DUSP8: variants seen among roughly 807,000 people sequenced by gnomAD.
DUSP8 encodes the protein dual specificity phosphatase 8.
A neutral mutation model predicts 38.7 loss-of-function variants in DUSP8; 15 were observed. The observed-to-expected ratio is 0.39, with a 90% CI of 0.26 to 0.60. The LOEUF (loss-of-function observed/expected upper bound fraction) is 0.60. Ranked by LOEUF, DUSP8 falls within the 20% of genes least tolerant of loss-of-function variation. The pLI is 0.56. For missense variants in DUSP8, 768 were observed against 915.0 expected (o/e 0.84, Z 2.07); for synonymous variants, 458 against 433.9 (o/e 1.06, Z -0.69).
Position 1,559,837 on chromosome 11 carries a change from G to A in DUSP8, c.371-782C>T, listed in dbSNP as rs1301635634. On this transcript the variant is annotated intron_variant, in intron 3 of 6. Coordinates refer to ENST00000397374, the MANE Select transcript of DUSP8 (RefSeq NM_004420.3). ...CGAGGCCACAGGCTGGTGGGAGGAA[G>A]TCCCCTGCCCTGCACCAGCTGGAAG... Among the ~76,000 whole-genome samples the A allele has an allele frequency of 2.6e-5, 4 of 152,312 alleles. No individual in the cohort carries two copies. In the East Asian group the frequency reaches 7.7e-4, roughly 29 times the overall value.
Position 1,557,714 on chromosome 11 carries a change from G to C in DUSP8, c.821+80C>G. On this transcript the variant is annotated intron_variant, in intron 6 of 6. Transcript: ENST00000397374. The surrounding 1 kb of genome is among the most constrained non-coding windows in gnomAD (Gnocchi z 9.9). ...CTTGCCACGGGTCCTGGACGGTGGGGTCATTCTGGTGCAAGTGGGCAGCCG... is the reference window on the plus strand; with the variant it reads ...CTTGCCACGGGTCCTGGACGGTGGGCTCATTCTGGTGCAAGTGGGCAGCCG... The C allele has an allele frequency of 6.3e-7, 1 of 1,598,962 alleles. No homozygotes were observed. Among genetic ancestry groups the C allele is most frequent in the South Asian group, 1.1e-5 (1 of 88,688 alleles).
At chr11:1,567,847 G>GGCCTGCTGCCT (rs1848827211) in intron 1 of DUSP8, among the ~76,000 whole-genome samples, 1 of 152,192 alleles carries the variant, frequency 6.6e-6, no homozygotes, top group Non-Finnish European at 1.5e-5. Context: ...ACAGCAAAAG[G>GGCCTGCTGCCT]GCCTGCTGCC....
intron 3 of DUSP8, among the ~76,000 whole-genome samples, chr11:1,561,071 G>A (rs895174489): frequency 6.6e-6 from 1 of 152,134 alleles, no homozygotes; most frequent in Admixed American, 6.5e-5. Context: ...AGCAGGGACC[G>A]AGGCTCCAGG....
intron 1 of DUSP8, among the ~76,000 whole-genome samples, chr11:1,569,311 G>A (rs1294232787): frequency 1.3e-5 from 2 of 152,126 alleles, no homozygotes; most frequent in Non-Finnish European, 2.9e-5. Flanking sequence ...GGAGGCACCA[G>A]GCCGCCACCC....
chr11:1,559,134 G>C, intron 3 of DUSP8, 79 bp from the exon 4 acceptor site: 1 of 1,415,538 alleles, frequency 7.1e-7, no homozygotes, highest in Non-Finnish European at 9.5e-7. Flanking sequence ...GTCCGCCTAG[G>C]GCACCCCATC....
At chr11:1,562,051 C>T (rs1013222935) in intron 3 of DUSP8, among the ~76,000 whole-genome samples, 3 of 152,228 alleles carry the variant, frequency 2.0e-5, no homozygotes, top group African/African-American at 7.2e-5. Flanking sequence ...AAAGGCAGTT[C>T]TGAGGGTGGC....
chr11:1,559,273 A>T, intron 3 of DUSP8: 2 of 501,390 alleles, frequency 4.0e-6, no homozygotes, highest in Non-Finnish European at 6.9e-6. Flanking sequence ...GCCTGCACCT[A>T]CGCCCACATT....
At chr11:1,562,688 C>T (rs1170932835) in intron 3 of DUSP8, among the ~76,000 whole-genome samples, 2 of 106,048 alleles carry the variant, frequency 1.9e-5, no homozygotes, top group Admixed American at 8.8e-5. Context: ...CATGCATGCA[C>T]ATGCACACAC....
intron 3 of DUSP8, among the ~76,000 whole-genome samples, chr11:1,562,145 T>C (rs1399318564): frequency 2.0e-5 from 3 of 152,092 alleles, no homozygotes; most frequent in Admixed American, 6.5e-5. Context: ...CACGCCCACC[T>C]GCACACCCAT....
chr11:1,559,872 G>A (rs141797527), intron 3 of DUSP8, among the ~76,000 whole-genome samples: 9 of 152,322 alleles, frequency 5.9e-5, no homozygotes, highest in African/African-American at 4.8e-5. Flanking sequence ...GGACCCGAAC[G>A]TGAATCCCTG....
At position 1,565,767 on chromosome 11, in the gene DUSP8, C is replaced by A; in HGVS notation, c.60G>T (p.Leu20=). The part of the protein sequence containing the change: ...VMDAKKLASL[L]RGGPGGPLVI... ...CCAGCGGCCCCCCAGGCCCGCCCCG[C>A]AGCAGGCTGGCCAGCTTCTTGGCAT... Residue 20 remains leucine, a synonymous_variant, in exon 2 of 7, where the codon CTG becomes CTT. Coordinates refer to ENST00000397374, the MANE Select transcript of DUSP8 (RefSeq NM_004420.3). 1 of 1,611,400 alleles carries A rather than the reference C, an allele frequency of 6.2e-7. No homozygotes were observed. The highest frequency in any genetic ancestry group is 8.5e-7 in the Non-Finnish European group (1 of 1,179,432).
At chr11:1,566,200 G>A (rs908549925) in intron 1 of DUSP8, among the ~76,000 whole-genome samples, 1 of 152,062 alleles carries the variant, frequency 6.6e-6, no homozygotes, top group African/African-American at 2.4e-5. Flanking sequence ...TGGGCCCTGG[G>A]GTTCACGGAC....
At chr11:1,572,378 C>T (rs1848919696), upstream of DUSP8, among the ~76,000 whole-genome samples, 1 of 135,644 alleles carries the variant, frequency 7.4e-6, no homozygotes, top group South Asian at 2.4e-4. This position sits in a 1 kb window ranked among gnomAD's most constrained non-coding sequence, Gnocchi z 4.7. Flanking sequence ...GGCTCGGGGG[C>T]AGGTGACGTC....
chr11:1,565,118 G>A (rs191909635), intron 2 of DUSP8, among the ~76,000 whole-genome samples: 47 of 152,320 alleles, frequency 3.1e-4, no homozygotes, highest in Non-Finnish European at 5.9e-4. Context: ...GTGGGACGGG[G>A]ACATGGACTG....
At position 1,558,422 on chromosome 11, in the gene DUSP8, G is replaced by A; in HGVS notation, c.538-151C>T. 3 of 736,714 alleles carry A rather than the reference G, an allele frequency of 4.1e-6. No homozygotes were observed. The highest frequency in any genetic ancestry group is 6.5e-6 in the Non-Finnish European group (3 of 460,432). The allele number at this position is 736,714 out of a possible 1,614,324, so 45.6% of individuals were successfully genotyped here. A position where few individuals can be genotyped will look rare whatever the true frequency, so the allele number is the denominator to read the frequency against. On this transcript the variant is annotated intron_variant, in intron 4 of 6. Transcript: ENST00000397374. The surrounding 1 kb of genome is among the most constrained non-coding windows in gnomAD (Gnocchi z 6.3). ...CAGATCCCAGTGTATCCAGGGGAGG[G>A]CCCAGGAGGCCTCTCTGGTCCACCC...
In DUSP8 at chr11:1,558,866, C is replaced by G. The variant is rs766501989; in HGVS notation, c.537+23G>C. 1.8e-5 allele frequency: 29 copies of G among 1,583,538 alleles called. No homozygotes were observed. Among genetic ancestry groups the G allele is most frequent in the East Asian group, 6.8e-5 (3 of 43,892 alleles). On this transcript the variant is annotated intron_variant, in intron 4 of 6. Coordinates refer to ENST00000397374, the MANE Select transcript of DUSP8 (RefSeq NM_004420.3). This position sits in a 1 kb window ranked among gnomAD's most constrained non-coding sequence, Gnocchi z 6.3. The stretch of plus-strand genomic sequence containing the variant: ...CCTGCCCCTTTCCCATTGACCACCC[C>G]CCGAACTCCACTGCACACACACCTT...
At chr11:1,559,290 C>T (rs1848683337) in intron 3 of DUSP8, 1 of 488,696 alleles carries the variant, frequency 2.0e-6, no homozygotes, top group East Asian at 3.6e-5. Flanking sequence ...CATTCCTCCT[C>T]ATGCTAATTA....
Position 1,557,398 on chromosome 11 carries a change from G to A in DUSP8, c.998C>T (p.Pro333Leu), listed in dbSNP as rs1848652086. Residue 333 changes from proline (P) to leucine (L), a missense_variant, in exon 7 of 7, where the codon CCA (proline) becomes CTA (leucine). Physicochemically the swap from Pro to Leu is moderately conservative, Grantham distance 98. Transcript: ENST00000397374. The surrounding 1 kb of genome is among the most constrained non-coding windows in gnomAD (Gnocchi z 9.9). Reference sequence around the variant, plus strand: ...GGCAGCGCTCTCTGAGGTAGGTGGTGGCAGCCGTGGCAGCGGGGCCCCGGC... The same window carrying A: ...GGCAGCGCTCTCTGAGGTAGGTGGTAGCAGCCGTGGCAGCGGGGCCCCGGC... Reference protein sequence around the residue: ...PAAGAPLPRLPPPTSESAATG... With the variant: ...PAAGAPLPRLLPPTSESAATG... The A allele has an allele frequency of 2.5e-6, 4 of 1,568,988 alleles. No homozygotes were observed. The African/African-American group carries it at 5.6e-5, about 22-fold the overall frequency.
rs897910054 is a variant in DUSP8 at position 1,557,049 on chromosome 11, C to T, written c.1347G>A (p.Ala449=). The T allele has an allele frequency of 1.4e-5, 16 of 1,140,416 alleles. No homozygotes were observed. The highest frequency in any genetic ancestry group is 9.9e-5 in the African/African-American group (6 of 60,416). The allele number at this position is 1,140,416 out of a possible 1,614,324, so 70.6% of individuals were successfully genotyped here. ...SPDSPDAAPE[A]RPRPRRRPRP... ...GGGGCCGCCGGCGGGGCCGTGGGCG[C>T]GCCTCAGGCGCGGCGTCCGGGCTGT... The change falls in exon 7 of 7, where the codon GCG becomes GCA. Residue 449 remains alanine (A), a synonymous_variant. Coordinates refer to ENST00000397374, the MANE Select transcript of DUSP8 (RefSeq NM_004420.3). This position sits in a 1 kb window ranked among gnomAD's most constrained non-coding sequence, Gnocchi z 9.9.
Sources: allele counts gnomAD v4.1 joint callset (sites outside exome capture counted in the v4.1 genomes callset), GRCh38; gene constraint gnomAD v4.1.1; non-coding constraint Gnocchi (gnomAD v3.1); transcripts MANE v1.5; gene names NCBI Gene and HGNC (gene_info 2026-07-23, HGNC 2026-07-21).